DYNC1I1: variants seen among roughly 807,000 people sequenced by gnomAD.
DYNC1I1 encodes the protein cytoplasmic dynein 1 intermediate chain 1.
In DYNC1I1, 43 loss-of-function variants were observed where a neutral mutation model predicts 86.6. That is an observed-to-expected ratio of 0.50 (90% confidence interval 0.39 to 0.64). The LOEUF (loss-of-function observed/expected upper bound fraction) is 0.64. DYNC1I1 is among the 30% of genes least tolerant of loss of function. The pLI is 0.00. For missense variants in DYNC1I1, 604 were observed against 788.8 expected, an observed-to-expected ratio of 0.77 and a Z score of 2.81; for synonymous variants, 262 against 283.7, an observed-to-expected ratio of 0.92 and a Z score of 0.77.
intron 6 of DYNC1I1, among the ~76,000 whole-genome samples, chr7:95,943,701 G>C (rs2116455552): frequency 6.6e-6 from 1 of 151,080 alleles, no homozygotes; most frequent in Non-Finnish European, 1.5e-5. Flanking sequence ...ACAGAACGGA[G>C]CCCTCAGAAA....
intron 6 of DYNC1I1, among the ~76,000 whole-genome samples, chr7:95,944,830 A>G (rs1223202092): frequency 5.0e-5 from 7 of 140,234 alleles, no homozygotes; most frequent in Non-Finnish European, 1.5e-5. Context: ...CAATGAGGAC[A>G]CATGGACACC....
chr7:96,032,619 A>G, intron 11 of DYNC1I1, 48 bp from the exon 12 acceptor site: 1 of 1,424,780 alleles, frequency 7.0e-7, no homozygotes, highest in Non-Finnish European at 9.9e-7. Context: ...AAATGTAAGC[A>G]TTTCCTCTTG....
chr7:95,906,507 C>T (rs1356629862), intron 6 of DYNC1I1, among the ~76,000 whole-genome samples: 1 of 151,112 alleles, frequency 6.6e-6, no homozygotes, highest in Admixed American at 6.6e-5. Context: ...ACCACCTTTA[C>T]GTATTTTCCA....
chr7:96,088,741 C>T (rs144437461), intron 16 of DYNC1I1, among the ~76,000 whole-genome samples: 336 of 152,198 alleles, frequency 2.2e-3, no homozygotes, highest in Non-Finnish European at 3.4e-3. Context: ...AATCAAATAT[C>T]TGCTTATTCA....
downstream of DYNC1I1, chr7:96,098,516 T>C (rs546908964): frequency 7.9e-6 from 6 of 758,028 alleles, no homozygotes; most frequent in Non-Finnish European, 9.6e-6. Flanking sequence ...ATTAGAGCCA[T>C]GTTAAAGACT....
At chr7:95,947,203 C>G (rs976623081) in intron 6 of DYNC1I1, among the ~76,000 whole-genome samples, 5 of 152,142 alleles carry the variant, frequency 3.3e-5, no homozygotes, top group African/African-American at 1.2e-4. Flanking sequence ...AAATACCTAG[C>G]GCAGTGAGTG....
chr7:95,923,948 T>C (rs756884604), intron 6 of DYNC1I1, among the ~76,000 whole-genome samples: 5 of 152,028 alleles, frequency 3.3e-5, no homozygotes, highest in Non-Finnish European at 5.9e-5. Context: ...ATGGGAAGAA[T>C]TTTGTATGTT....
chr7:95,992,961 G>A (rs1023781347), intron 9 of DYNC1I1, among the ~76,000 whole-genome samples: 2 of 152,118 alleles, frequency 1.3e-5, no homozygotes, highest in Non-Finnish European at 2.9e-5. Context: ...GGGGTTGAGA[G>A]CATATCTGGT....
intron 1 of DYNC1I1, 24 bp from the exon 2 acceptor site, chr7:95,804,697 A>G: frequency 6.5e-7 from 1 of 1,546,824 alleles, no homozygotes; most frequent in Admixed American, 2.1e-5. Context: ...ATATATGTTC[A>G]CTTTTTTTTT....
intron 10 of DYNC1I1, among the ~76,000 whole-genome samples, chr7:95,997,129 A>G (rs530692818): frequency 6.6e-6 from 1 of 152,326 alleles, no homozygotes; most frequent in East Asian, 1.9e-4. Flanking sequence ...TGTCTCAAAA[A>G]CAACTTAACA....
intron 15 of DYNC1I1, among the ~76,000 whole-genome samples, chr7:96,077,895 A>T (rs922497720): frequency 1.3e-5 from 2 of 152,170 alleles, no homozygotes; most frequent in Non-Finnish European, 2.9e-5. Flanking sequence ...AGACAACCAC[A>T]TAAGAGTTTC....
chr7:95,938,307 G>A (rs1371076675), intron 6 of DYNC1I1, among the ~76,000 whole-genome samples: 1 of 152,124 alleles, frequency 6.6e-6, no homozygotes. Context: ...ATTCACCATG[G>A]TGGTAAACTT....
intron 5 of DYNC1I1, among the ~76,000 whole-genome samples, chr7:95,866,683 T>C (rs918649329): frequency 6.6e-6 from 1 of 152,258 alleles, no homozygotes; most frequent in Non-Finnish European, 1.5e-5. Flanking sequence ...GCATTTGATA[T>C]AAATGCAGCT....
chr7:95,784,146 C>G, intron 1 of DYNC1I1, among the ~76,000 whole-genome samples: 1 of 152,098 alleles, frequency 6.6e-6, no homozygotes, highest in East Asian at 1.9e-4. Flanking sequence ...GATGTTCAGT[C>G]AGTATTTTCC....
intron 4 of DYNC1I1, among the ~76,000 whole-genome samples, chr7:95,824,939 T>C (rs1795171685): frequency 6.6e-6 from 1 of 152,228 alleles, no homozygotes; most frequent in Non-Finnish European, 1.5e-5. Flanking sequence ...TTAAGTTCCT[T>C]TCAAAAAATT....
intron 6 of DYNC1I1, among the ~76,000 whole-genome samples, chr7:95,966,411 A>C (rs1003929805): frequency 6.6e-6 from 1 of 152,210 alleles, no homozygotes; most frequent in African/African-American, 2.4e-5. Context: ...TAGAGGAGAG[A>C]GGGAGAATGT....
At chr7:96,079,057 CAT>C (rs1393647605) in intron 15 of DYNC1I1, among the ~76,000 whole-genome samples, 1 of 151,752 alleles carries the variant, frequency 6.6e-6, no homozygotes, top group Non-Finnish European at 1.5e-5. Context: ...TCACAATTGA[CAT>C]ACAGTGATTT....
At chr7:95,939,696 C>A (rs1232505999) in intron 6 of DYNC1I1, among the ~76,000 whole-genome samples, 8 of 151,694 alleles carry the variant, frequency 5.3e-5, no homozygotes, top group Non-Finnish European at 1.2e-4. Flanking sequence ...TGTGTCTCTG[C>A]ACGTGAGATG....
chr7:95,974,993 A>G (rs1584216288), intron 6 of DYNC1I1, among the ~76,000 whole-genome samples: 1 of 152,256 alleles, frequency 6.6e-6, no homozygotes, highest in East Asian at 1.9e-4. Context: ...GTGGTTAAAG[A>G]TCACAGACCC....
Sources: allele counts gnomAD v4.1 joint callset (sites outside exome capture counted in the v4.1 genomes callset), GRCh38; gene constraint gnomAD v4.1.1; transcripts MANE v1.5; gene names NCBI Gene and HGNC (gene_info 2026-07-23, HGNC 2026-07-21).